The following SSBP3 variants were observed in gnomAD, a reference collection of about 807,000 sequenced individuals.
SSBP3 encodes single-stranded DNA-binding protein 3.
SSBP3 carries 5 observed loss-of-function variants against 69.6 expected under a neutral mutation model. The observed-to-expected ratio is 0.07, with a 90% CI of 0.04 to 0.15. The LOEUF is 0.15. Ranked by LOEUF, SSBP3 falls within the 10% of genes least tolerant of loss-of-function variation. The pLI is 1.00. For missense variants in SSBP3, 312 were observed against 534.0 expected, an observed-to-expected ratio of 0.58 and a Z score of 4.10; for synonymous variants, 196 against 193.4, an observed-to-expected ratio of 1.01 and a Z score of -0.11.
intron 4 of SSBP3, among the ~76,000 whole-genome samples, chr1:54,304,779 C>T (rs1645867443): frequency 6.6e-6 from 1 of 152,192 alleles, no homozygotes; most frequent in South Asian, 2.1e-4. Flanking sequence ...AGACAGGTGC[C>T]TCACCAGTGG....
upstream of SSBP3, among the ~76,000 whole-genome samples, chr1:54,407,030 G>T (rs1341573518): frequency 6.6e-6 from 1 of 152,056 alleles, no homozygotes; most frequent in Non-Finnish European, 1.5e-5. Flanking sequence ...TCCACGCTGA[G>T]AGCTGGGCGG....
intron 4 of SSBP3, among the ~76,000 whole-genome samples, chr1:54,380,220 A>AG (rs1421394915): frequency 6.6e-6 from 1 of 152,168 alleles, no homozygotes; most frequent in Non-Finnish European, 1.5e-5. Flanking sequence ...CCACTGTTCC[A>AG]GGGGGATTGA....
At chr1:54,292,533 T>C (rs1645626803) in intron 4 of SSBP3, among the ~76,000 whole-genome samples, 1 of 152,042 alleles carries the variant, frequency 6.6e-6, no homozygotes. Context: ...ACTCCTGTGT[T>C]GTGAGCGAGG....
chr1:54,367,962 G>A (rs114284332), intron 4 of SSBP3, among the ~76,000 whole-genome samples: 184 of 152,282 alleles, frequency 1.2e-3, no homozygotes, highest in Non-Finnish European at 1.8e-3. Flanking sequence ...AGGAACTGGT[G>A]AATTATGCCA....
chr1:54,400,045 A>AAC (rs1444837294), intron 4 of SSBP3, among the ~76,000 whole-genome samples: 1 of 152,144 alleles, frequency 6.6e-6, no homozygotes, highest in Non-Finnish European at 1.5e-5. Context: ...TCTAAATGTC[A>AAC]ACGCCAACCT....
At chr1:54,394,313 CTATTTA>C (rs1648703139) in intron 4 of SSBP3, among the ~76,000 whole-genome samples, 1 of 152,192 alleles carries the variant, frequency 6.6e-6, no homozygotes, top group Admixed American at 6.5e-5. Context: ...TGCAATCCTG[CTATTTA>C]TATCTATGAT....
At chr1:54,323,804 C>T (rs1646255740) in intron 4 of SSBP3, among the ~76,000 whole-genome samples, 1 of 152,160 alleles carries the variant, frequency 6.6e-6, no homozygotes, top group South Asian at 2.1e-4. Context: ...GCTGCAAAGA[C>T]TGGGTTGTGG....
At chr1:54,344,641 TG>T (rs1274254165) in intron 4 of SSBP3, among the ~76,000 whole-genome samples, 4 of 152,052 alleles carry the variant, frequency 2.6e-5, no homozygotes, top group African/African-American at 9.7e-5. Context: ...AGGAAAGAAT[TG>T]GGGGAAACAT....
At chr1:54,227,120 A>T (rs1644297543) in exon 18 of SSBP3, 4 of 1,501,458 alleles carry the variant, frequency 2.7e-6, no homozygotes, top group Non-Finnish European at 3.6e-6. Flanking sequence ...AGCGTCTCGG[A>T]GAAGGGGGGA....
chr1:54,236,414 C>A (rs1226513910), intron 14 of SSBP3: 1 of 152,188 alleles, frequency 6.6e-6, no homozygotes, highest in African/African-American at 2.4e-5. Context: ...AGTCACCGCG[C>A]CCAGCCTATG....
intron 4 of SSBP3, among the ~76,000 whole-genome samples, chr1:54,358,937 C>T (rs184402307): frequency 7.9e-5 from 12 of 152,282 alleles, no homozygotes; most frequent in African/African-American, 2.6e-4. Context: ...AAGCGGATCA[C>T]CGCCAGCTCC....
At chr1:54,375,596 C>G (rs545985889) in intron 4 of SSBP3, among the ~76,000 whole-genome samples, 1 of 152,320 alleles carries the variant, frequency 6.6e-6, no homozygotes, top group East Asian at 1.9e-4. Context: ...GCCCAGGAGA[C>G]AGGATCCAGA....
chr1:54,366,324 A>G (rs1238617367), intron 4 of SSBP3, among the ~76,000 whole-genome samples: 1 of 152,158 alleles, frequency 6.6e-6, no homozygotes, highest in Non-Finnish European at 1.5e-5. Flanking sequence ...CTGGTACAGT[A>G]TATTTGCACC....
At chr1:54,369,218 C>T (rs975218828) in intron 4 of SSBP3, among the ~76,000 whole-genome samples, 26 of 124,690 alleles carry the variant, frequency 2.1e-4, no homozygotes, top group African/African-American at 7.4e-4. Context: ...CCTCTTGAGT[C>T]GGGGGGGGGG....
At chr1:54,363,765 A>G (rs547337667) in intron 4 of SSBP3, among the ~76,000 whole-genome samples, 1 of 152,376 alleles carries the variant, frequency 6.6e-6, no homozygotes, top group Non-Finnish European at 1.5e-5. Context: ...GAAGAAATGT[A>G]TAGGGAAAGG....
intron 9 of SSBP3, among the ~76,000 whole-genome samples, chr1:54,246,951 G>A (rs1644744667): frequency 6.6e-6 from 1 of 152,262 alleles, no homozygotes; most frequent in African/African-American, 2.4e-5. Context: ...TGATGACGGT[G>A]AAGCTGTACA....
At chr1:54,251,748 C>A in intron 8 of SSBP3, 46 bp downstream of exon 8, 1 of 1,596,326 alleles carries the variant, frequency 6.3e-7, no homozygotes, top group Non-Finnish European at 8.5e-7. Context: ...AGGAGGAGCC[C>A]CTCCTGGCAT....
At chr1:54,301,007 T>C (rs1645791747) in intron 4 of SSBP3, among the ~76,000 whole-genome samples, 1 of 152,202 alleles carries the variant, frequency 6.6e-6, no homozygotes, top group Admixed American at 6.5e-5. Flanking sequence ...TCTTAGGATC[T>C]CCTGAATGCT....
chr1:54,386,684 T>C (rs980150444), intron 4 of SSBP3, among the ~76,000 whole-genome samples: 3 of 81,510 alleles, frequency 3.7e-5, no homozygotes, highest in African/African-American at 1.2e-4. Flanking sequence ...CTGATCCTAC[T>C]TTTTTTTTTT....
Sources: gnomAD v4.1 joint callset for allele counts (sites outside exome capture counted in the v4.1 genomes callset) on GRCh38, gnomAD v4.1.1 for gene constraint, MANE v1.5 for transcripts, NCBI Gene and HGNC (gene_info 2026-07-23, HGNC 2026-07-21) for gene names.